The following ZNF791 variants were observed in gnomAD, a reference collection of about 807,000 sequenced individuals.
The protein encoded by ZNF791 is zinc finger protein 791.
A neutral mutation model predicts 11.5 loss-of-function variants in ZNF791; 4 were observed. The ratio of observed to expected loss-of-function variants is 0.35; its 90% CI spans 0.17 to 0.80. The LOEUF (loss-of-function observed/expected upper bound fraction) is 0.80, where lower values mean the gene tolerates loss of function less well. Ranked by LOEUF, ZNF791 falls within the 30% of genes least tolerant of loss-of-function variation. The pLI is 0.53. For missense variants in ZNF791, 559 were observed against 699.4 expected, an observed-to-expected ratio of 0.80 and a Z score of 2.26; for synonymous variants, 212 against 228.1, an observed-to-expected ratio of 0.93 and a Z score of 0.64.
At chr19:12,620,949 C>T (rs192661025) in intron 1 of ZNF791, among the ~76,000 whole-genome samples, 1 of 151,686 alleles carries the variant, frequency 6.6e-6, no homozygotes, top group African/African-American at 2.4e-5. Flanking sequence ...TTAGTAGAGG[C>T]AGGGTTTCTC....
chr19:12,629,118 G>A lies in ZNF791; in HGVS notation c.1589G>A (p.Gly530Glu). ...GEKPYKCKECGKAFSLHSSFQ... is the reference protein window; with the variant it reads ...GEKPYKCKECEKAFSLHSSFQ... ...AAACCCTATAAATGTAAAGAATGTG[G>A]GAAGGCCTTTAGTCTTCACAGTTCC... Residue 530 changes from glycine to glutamate, a missense_variant, in exon 4 of 4, where the codon GGG (glycine) becomes GAG (glutamate). By Grantham distance (98) the Gly-to-Glu change is moderately conservative (BLOSUM62 -2). Transcript: ENST00000343325. 6.2e-7 allele frequency: 1 copy of A among 1,605,560 alleles called. No homozygotes were observed. The highest frequency in any genetic ancestry group is 8.5e-7 in the Non-Finnish European group (1 of 1,176,622).
chr19:12,623,871 G>GT (rs760152425), intron 2 of ZNF791, 45 bp downstream of exon 2: 10 of 811,988 alleles, frequency 1.2e-5, no homozygotes, highest in Middle Eastern at 4.2e-4. Context: ...TTTTTTTTTT[G>GT]GGGGGGGACA....
rs144956235 is a variant in ZNF791, at chr19:12,623,168, G to T, written c.4-532G>T. 1.6e-4 allele frequency: 25 copies of T among 152,820 alleles called. No homozygotes were observed. The South Asian group carries it at 1.9e-3, about 11-fold the overall frequency. 9.5% of individuals were successfully genotyped at this position (152,820 alleles called of 1,614,324 possible). On this transcript the variant is annotated intron_variant, in intron 1 of 3. Transcript: ENST00000343325. ...TAATCTCAGCAATTTGAGAGGCCAAGGCTAGTGAATCGCTTGAGCTGAGGA... is the reference window on the plus strand; with the variant it reads ...TAATCTCAGCAATTTGAGAGGCCAATGCTAGTGAATCGCTTGAGCTGAGGA...
At chr19:12,625,797 AAAG>A (rs537743660) in intron 3 of ZNF791, among the ~76,000 whole-genome samples, 5,668 of 150,404 alleles carry the variant, frequency 0.038, 121 homozygotes, top group Non-Finnish European at 0.055. Context: ...AAAAAAAAAA[AAAG>A]AAGAAGAAGA....
At chr19:12,623,870 T>TTTTTGG in intron 2 of ZNF791, 44 bp downstream of exon 2, 3 of 712,924 alleles carry the variant, frequency 4.2e-6, no homozygotes, top group Admixed American at 4.0e-5. Context: ...TTTTTTTTTT[T>TTTTTGG]GGGGGGGGAC....
At chr19:12,620,736 A>G (rs1235963878) in intron 1 of ZNF791, among the ~76,000 whole-genome samples, 2 of 145,296 alleles carry the variant, frequency 1.4e-5, no homozygotes, top group African/African-American at 5.3e-5. Context: ...CTGAAACTGG[A>G]GAAAGGGGAT....
At chr19:12,617,878 C>T (rs1379952842) in intron 1 of ZNF791, among the ~76,000 whole-genome samples, 1 of 134,928 alleles carries the variant, frequency 7.4e-6, no homozygotes, top group Non-Finnish European at 1.5e-5. Context: ...GTAGCTGGAA[C>T]TACAGGTGCG....
intron 1 of ZNF791, among the ~76,000 whole-genome samples, chr19:12,620,602 C>T (rs1366341576): frequency 1.3e-5 from 2 of 152,084 alleles, no homozygotes; most frequent in Non-Finnish European, 2.9e-5. Flanking sequence ...GACCATAGTC[C>T]TAATTACTTA....
intron 1 of ZNF791, among the ~76,000 whole-genome samples, chr19:12,613,385 T>C (rs959805362): frequency 2.0e-5 from 3 of 151,728 alleles, no homozygotes; most frequent in South Asian, 2.1e-4. Flanking sequence ...CTCGAGACCA[T>C]CCTGGCTAAC....
Position 12,628,725 on chromosome 19 carries a change from T to G in ZNF791, c.1196T>G (p.Leu399Trp), listed in dbSNP as rs747458720. 6.2e-7 allele frequency: 1 copy of G among 1,602,124 alleles called. No homozygotes were observed. ...CGKTFNYPLD[L>W]KIHKRNHTGE... ...AAAACTTTCAATTATCCTCTAGATT[T>G]GAAAATCCACAAGAGAAATCACACT... Residue 399 changes from leucine to tryptophan, a missense_variant, in exon 4 of 4, where the codon TTG becomes TGG. Transcript: ENST00000343325.
intron 3 of ZNF791, 141 bp downstream of exon 3, chr19:12,624,851 C>T: frequency 4.3e-6 from 2 of 462,906 alleles, no homozygotes; most frequent in Non-Finnish European, 7.7e-6. Context: ...AGTTCAAGAC[C>T]AGCCTGGCCA....
chr19:12,614,892 C>CTTTTTTTTTTTTT lies in ZNF791; in HGVS notation c.3+3833_3+3845dup, dbSNP rs57575424. 2.5e-3 allele frequency among the ~76,000 whole-genome samples: 44 copies of CTTTTTTTTTTTTT among 17,564 alleles called. 17 individuals are homozygous for CTTTTTTTTTTTTT. Among genetic ancestry groups the CTTTTTTTTTTTTT allele is most frequent in the Middle Eastern group, 0.11 (2 of 18 alleles). 11.5% of individuals were successfully genotyped at this position (17,564 alleles called of 152,430 possible). A position where few individuals can be genotyped will look rare whatever the true frequency, so the allele number is the denominator to read the frequency against. ...ACAGGTGTGAGCCACTGCGTCCGGC[C>CTTTTTTTTTTTTT]TTTTTTTTTTTTTTTTTTTTTTTTT... On this transcript the variant is annotated intron_variant, in intron 1 of 3. Coordinates refer to ENST00000343325, the MANE Select transcript of ZNF791 (RefSeq NM_153358.3).
Position 12,628,180 on chromosome 19 carries a change from A to T in ZNF791, c.651A>T (p.Glu217Asp), listed in dbSNP as rs1241972728. ...TTCACACTGGAGAAAAGCCCTATGAATGTAAACAATGTGGGAAAGCCTTCA... is the reference window on the plus strand; with the variant it reads ...TTCACACTGGAGAAAAGCCCTATGATTGTAAACAATGTGGGAAAGCCTTCA... ...ERIHTGEKPY[E>D]CKQCGKAFSC... The change falls in exon 4 of 4, where the codon GAA becomes GAT. Residue 217 changes from glutamate to aspartate, a missense_variant. By Grantham distance (45) the Glu-to-Asp change is conservative. Coordinates refer to ENST00000343325, the MANE Select transcript of ZNF791 (RefSeq NM_153358.3). 1 of 1,614,138 alleles carries T rather than the reference A, an allele frequency of 6.2e-7. No individual in the cohort carries two copies. Among genetic ancestry groups the T allele is most frequent in the Non-Finnish European group, 8.5e-7 (1 of 1,180,004 alleles).
intron 1 of ZNF791, among the ~76,000 whole-genome samples, chr19:12,617,955 T>C (rs1412857232): frequency 1.4e-5 from 2 of 147,722 alleles, no homozygotes; most frequent in African/African-American, 5.1e-5. Context: ...TTCGTCCTTG[T>C]CGCCCAGGCT....
chr19:12,624,739 G>T (rs999349642), intron 3 of ZNF791, 29 bp downstream of exon 3: 2 of 1,567,416 alleles, frequency 1.3e-6, no homozygotes, highest in African/African-American at 2.7e-5. Context: ...AAGTAACAGT[G>T]TTCCTTGAAA....
At chr19:12,617,253 G>A (rs1568286717) in intron 1 of ZNF791, among the ~76,000 whole-genome samples, 1 of 151,032 alleles carries the variant, frequency 6.6e-6, no homozygotes, top group Non-Finnish European at 1.5e-5. Flanking sequence ...AACCTCTCAA[G>A]TAGCTGGGAT....
chr19:12,613,776 T>C (rs1470051273), intron 1 of ZNF791, among the ~76,000 whole-genome samples: 1 of 152,070 alleles, frequency 6.6e-6, no homozygotes, highest in African/African-American at 2.4e-5. Context: ...CAGCTACTCA[T>C]ATGCCCACCA....
chr19:12,617,480 TA>T (rs2023262303), intron 1 of ZNF791, among the ~76,000 whole-genome samples: 1 of 152,168 alleles, frequency 6.6e-6, no homozygotes, highest in Admixed American at 6.6e-5. Context: ...TGTTGGGTTT[TA>T]TTTCCAAATA....
chr19:12,629,548 T>C lies in ZNF791; in HGVS notation c.*288T>C, dbSNP rs1156944678. ...GTGCAGCACATTATTTAAGTGTTTA[T>C]GGTGCTGGTGTAAACGTGCTGCACT... is the stretch of plus-strand genomic sequence containing the variant. On this transcript the variant is annotated 3_prime_UTR_variant, in exon 4 of 4. Transcript: ENST00000343325. 4.6e-6 allele frequency: 1 copy of C among 218,370 alleles called. No homozygotes were observed. The highest frequency in any genetic ancestry group is 9.0e-6 in the Non-Finnish European group (1 of 111,442). The allele number at this position is 218,370 out of a possible 1,614,324, so 13.5% of individuals were successfully genotyped here. A position where few individuals can be genotyped will look rare whatever the true frequency, so the allele number is the denominator to read the frequency against.
Sources: allele counts gnomAD v4.1 joint callset (sites outside exome capture counted in the v4.1 genomes callset), GRCh38; gene constraint gnomAD v4.1.1; transcripts MANE v1.5; gene names NCBI Gene and HGNC (gene_info 2026-07-23, HGNC 2026-07-21).